The following TFEC variants were observed in gnomAD, a reference collection of about 807,000 sequenced individuals.
The protein encoded by TFEC is class E basic helix-loop-helix protein 34.
A neutral mutation model predicts 41.6 loss-of-function variants in TFEC; 31 were observed. The observed-to-expected ratio is 0.74, with a 90% CI of 0.56 to 1.01. TFEC has a LOEUF of 1.01. Ranked by LOEUF, TFEC falls within the 50% of genes least tolerant of loss-of-function variation. The pLI, the probability that TFEC is intolerant of heterozygous loss-of-function variation, is 0.00. For missense variants in TFEC, 402 were observed against 404.1 expected, an observed-to-expected ratio of 0.99 and a Z score of 0.04; for synonymous variants, 143 against 140.6, an observed-to-expected ratio of 1.02 and a Z score of -0.12.
At chr7:116,128,021 G>C (rs936947320) in intron 1 of TFEC, among the ~76,000 whole-genome samples, 1 of 152,020 alleles carries the variant, frequency 6.6e-6, no homozygotes, top group East Asian at 1.9e-4. Context: ...CAAGAGAAAA[G>C]ATCAGCTACT....
chr7:116,038,016 C>T (rs1249503712), intron 3 of TFEC, among the ~76,000 whole-genome samples: 1 of 151,954 alleles, frequency 6.6e-6, no homozygotes, highest in Non-Finnish European at 1.5e-5. Flanking sequence ...CACCAGTCAG[C>T]AGAAGTACAT....
At chr7:116,126,636 A>G (rs1798214637) in intron 1 of TFEC, among the ~76,000 whole-genome samples, 1 of 152,080 alleles carries the variant, frequency 6.6e-6, no homozygotes, top group Non-Finnish European at 1.5e-5. Flanking sequence ...TAATTATTAA[A>G]TTAGTAATTA....
chr7:116,145,425 G>A (rs1372576991), intron 1 of TFEC, among the ~76,000 whole-genome samples: 8 of 152,134 alleles, frequency 5.3e-5, no homozygotes, highest in Non-Finnish European at 1.0e-4. Flanking sequence ...GGGTCAGAAG[G>A]GGTCAGGCAG....
intron 1 of TFEC, among the ~76,000 whole-genome samples, chr7:116,004,543 G>A (rs545958842): frequency 5.3e-5 from 8 of 152,298 alleles, no homozygotes; most frequent in African/African-American, 1.7e-4. Flanking sequence ...GGGTAGGCAT[G>A]TGTCAGGCAG....
chr7:116,051,769 A>C (rs191785278), intron 3 of TFEC, among the ~76,000 whole-genome samples: 1 of 152,190 alleles, frequency 6.6e-6, no homozygotes, highest in Non-Finnish European at 1.5e-5. Context: ...TATTTATATC[A>C]GACACTGTGG....
At chr7:116,073,199 C>T (rs2131029602) in intron 3 of TFEC, among the ~76,000 whole-genome samples, 1 of 151,368 alleles carries the variant, frequency 6.6e-6, no homozygotes, top group Non-Finnish European at 1.5e-5. Context: ...AAGGAATGGG[C>T]AATCCAAAAA....
intron 3 of TFEC, among the ~76,000 whole-genome samples, chr7:116,055,602 A>G (rs1487719629): frequency 6.6e-6 from 1 of 152,028 alleles, no homozygotes; most frequent in East Asian, 1.9e-4. Context: ...ATTTTGATAG[A>G]TATTTCATAA....
chr7:116,008,022 G>A (rs975969054), intron 1 of TFEC, among the ~76,000 whole-genome samples: 2 of 152,190 alleles, frequency 1.3e-5, no homozygotes, highest in African/African-American at 4.8e-5. Context: ...AAGCAGGGCT[G>A]TGACCTATAT....
chr7:116,016,348 T>A (rs1165252201), intron 1 of TFEC, among the ~76,000 whole-genome samples: 1 of 152,164 alleles, frequency 6.6e-6, no homozygotes, highest in African/African-American at 2.4e-5. Context: ...CTAGGCACCT[T>A]CTTCTCTCTC....
intron 3 of TFEC, among the ~76,000 whole-genome samples, chr7:116,046,543 G>C (rs1395988342): frequency 1.3e-5 from 2 of 152,124 alleles, no homozygotes; most frequent in Admixed American, 6.5e-5. Flanking sequence ...CCCAGTCTCA[G>C]ATGTGTCTTT....
chr7:116,110,907 T>C, exon 3 of TFEC: 1 of 1,514,410 alleles, frequency 6.6e-7, no homozygotes, highest in Non-Finnish European at 8.8e-7. Flanking sequence ...TTGTAACATA[T>C]TTCTCTTCTT....
At chr7:116,058,545 C>G (rs944358242) in intron 3 of TFEC, among the ~76,000 whole-genome samples, 19 of 151,614 alleles carry the variant, frequency 1.3e-4, no homozygotes, top group Non-Finnish European at 2.5e-4. Context: ...ACAACCTGAC[C>G]TAATTGCTTT....
chr7:115,985,611 C>T (rs1339821787), intron 1 of TFEC, among the ~76,000 whole-genome samples: 1 of 151,986 alleles, frequency 6.6e-6, no homozygotes, highest in Non-Finnish European at 1.5e-5. Context: ...TTTAAATTAG[C>T]TGGTTTGGGG....
intron 6 of TFEC, among the ~76,000 whole-genome samples, chr7:115,949,682 C>G (rs1425907104): frequency 6.6e-6 from 1 of 151,906 alleles, no homozygotes; most frequent in Non-Finnish European, 1.5e-5. Flanking sequence ...TTCCTTACAC[C>G]TTATACAAAA....
chr7:115,941,855 G>GTAAGC, intron 7 of TFEC, 38 bp downstream of exon 7: 1 of 1,607,054 alleles, frequency 6.2e-7, no homozygotes, highest in Non-Finnish European at 8.5e-7. Context: ...TGAGTCATGT[G>GTAAGC]TAAGCTATGT....
At chr7:115,995,250 T>A (rs1269351570) in intron 1 of TFEC, among the ~76,000 whole-genome samples, 1 of 151,130 alleles carries the variant, frequency 6.6e-6, no homozygotes, top group East Asian at 1.9e-4. Context: ...ATGTAAATGA[T>A]GAGTTAATGG....
chr7:115,951,768 C>G (rs769372850), intron 5 of TFEC, among the ~76,000 whole-genome samples: 1 of 152,016 alleles, frequency 6.6e-6, no homozygotes, highest in Non-Finnish European at 1.5e-5. Flanking sequence ...TATTCAGAGA[C>G]TGTTTTCTCT....
At chr7:116,136,002 T>C (rs1798425673) in intron 1 of TFEC, among the ~76,000 whole-genome samples, 1 of 152,112 alleles carries the variant, frequency 6.6e-6, no homozygotes, top group Non-Finnish European at 1.5e-5. Context: ...AAGACTCTTT[T>C]TAAAGCTTAT....
chr7:116,004,920 C>A (rs2130789712), intron 1 of TFEC, among the ~76,000 whole-genome samples: 1 of 152,204 alleles, frequency 6.6e-6, no homozygotes, highest in Admixed American at 6.5e-5. Context: ...ATCATGGGGG[C>A]AGGTCTTTCC....
Sources: gnomAD v4.1 joint callset for allele counts (sites outside exome capture counted in the v4.1 genomes callset) on GRCh38, gnomAD v4.1.1 for gene constraint, MANE v1.5 for transcripts, NCBI Gene and HGNC (gene_info 2026-07-23, HGNC 2026-07-21) for gene names.